The following TAFA4 variants were observed in gnomAD, a reference collection of about 807,000 sequenced individuals.
TAFA4 encodes chemokine-like protein TAFA-4.
Under a neutral mutation model 21.1 loss-of-function variants are expected in TAFA4, and 20 were observed. The ratio of observed to expected loss-of-function variants is 0.95; its 90% CI spans 0.67 to 1.38. The LOEUF is 1.38. Ranked by LOEUF, TAFA4 falls within the 40% of genes most tolerant of loss-of-function variation. The pLI, the probability that TAFA4 is intolerant of heterozygous loss-of-function variation, is 0.00. For missense variants in TAFA4, 211 were observed against 180.9 expected, an observed-to-expected ratio of 1.17 and a Z score of -0.95; for synonymous variants, 71 against 67.4, an observed-to-expected ratio of 1.05 and a Z score of -0.26.
At chr3:68,889,272 A>G (rs1246936740) in intron 1 of TAFA4, among the ~76,000 whole-genome samples, 2 of 152,196 alleles carry the variant, frequency 1.3e-5, no homozygotes, top group Non-Finnish European at 2.9e-5. Flanking sequence ...ATTTACTACA[A>G]AAGAGCAGAA....
At chr3:68,862,657 G>A (rs1420126875) in intron 3 of TAFA4, among the ~76,000 whole-genome samples, 1 of 152,016 alleles carries the variant, frequency 6.6e-6, no homozygotes, top group African/African-American at 2.4e-5. Context: ...GCTATCAACA[G>A]CATGATTGAG....
intron 3 of TAFA4, among the ~76,000 whole-genome samples, chr3:68,796,911 G>C (rs1356614809): frequency 6.6e-6 from 1 of 152,154 alleles, no homozygotes. Context: ...CAAGGGAAAT[G>C]CAAGGCAATA....
chr3:68,901,793 A>G (rs1323577851), intron 1 of TAFA4, among the ~76,000 whole-genome samples: 2 of 152,218 alleles, frequency 1.3e-5, no homozygotes, highest in Admixed American at 1.3e-4. Flanking sequence ...ACACAGTGGA[A>G]CACACTGGAA....
At chr3:68,746,903 A>C (rs1395769459) in intron 4 of TAFA4, among the ~76,000 whole-genome samples, 1 of 152,238 alleles carries the variant, frequency 6.6e-6, no homozygotes, top group Non-Finnish European at 1.5e-5. Flanking sequence ...TTAATTCTTT[A>C]TCGTGGCGGT....
intron 4 of TAFA4, among the ~76,000 whole-genome samples, chr3:68,750,005 A>G: frequency 6.6e-6 from 1 of 152,246 alleles, no homozygotes; most frequent in East Asian, 1.9e-4. Context: ...ATTTTAGTAG[A>G]CAGCACTGCA....
chr3:68,786,025 G>A (rs1703252899), intron 3 of TAFA4, among the ~76,000 whole-genome samples: 2 of 152,126 alleles, frequency 1.3e-5, no homozygotes, highest in African/African-American at 4.8e-5. Flanking sequence ...CCATCAATAG[G>A]GGACTGGTTA....
chr3:68,757,624 T>C (rs1156543577), intron 3 of TAFA4, among the ~76,000 whole-genome samples: 1 of 152,208 alleles, frequency 6.6e-6, no homozygotes, highest in East Asian at 1.9e-4. Context: ...TATATAACCA[T>C]CCACAAGTAC....
chr3:68,775,904 A>T (rs991143054), intron 3 of TAFA4, among the ~76,000 whole-genome samples: 1 of 152,178 alleles, frequency 6.6e-6, no homozygotes, highest in Non-Finnish European at 1.5e-5. Flanking sequence ...ATAAAAAATG[A>T]TGAGATTCAC....
intron 3 of TAFA4, among the ~76,000 whole-genome samples, chr3:68,781,598 C>T (rs1202730164): frequency 1.3e-5 from 2 of 152,022 alleles, no homozygotes; most frequent in Non-Finnish European, 2.9e-5. Context: ...ATCTCTATAT[C>T]AAATAAATTA....
At chr3:68,748,646 A>C (rs1702505594) in intron 4 of TAFA4, among the ~76,000 whole-genome samples, 1 of 152,096 alleles carries the variant, frequency 6.6e-6, no homozygotes, top group Non-Finnish European at 1.5e-5. Flanking sequence ...CGGGAGACTG[A>C]GACAGGAGAA....
intron 4 of TAFA4, among the ~76,000 whole-genome samples, chr3:68,751,650 A>G (rs1702558032): frequency 6.6e-6 from 1 of 152,192 alleles, no homozygotes; most frequent in South Asian, 2.1e-4. Context: ...TTGGAAATTG[A>G]AAGGTTTTCT....
chr3:68,865,180 A>T lies in TAFA4; in HGVS notation c.130+15550T>A, dbSNP rs142025285. ...ATGTGCATTGACAATGGCAGAAGCA[A>T]TCTGGCTTCATTCTACTCCACAAGA... On this transcript the variant is annotated intron_variant, in intron 3 of 5. Transcript: ENST00000295569. 2.6e-3 allele frequency among the ~76,000 whole-genome samples: 393 copies of T among 152,322 alleles called. 1 individual carries two copies. The highest frequency in any genetic ancestry group is 8.8e-3 in the African/African-American group (364 of 41,574).
chr3:68,833,221 C>A (rs1417615883), intron 3 of TAFA4, among the ~76,000 whole-genome samples: 1 of 152,112 alleles, frequency 6.6e-6, no homozygotes, highest in Non-Finnish European at 1.5e-5. Context: ...ACTATCCAAC[C>A]AGTCCCACTG....
At chr3:68,792,579 A>C (rs1479346468) in intron 3 of TAFA4, among the ~76,000 whole-genome samples, 2 of 152,172 alleles carry the variant, frequency 1.3e-5, no homozygotes, top group Non-Finnish European at 2.9e-5. Flanking sequence ...AATATGACAC[A>C]CACATACTCC....
chr3:68,847,645 G>A (rs1704839388), intron 3 of TAFA4, among the ~76,000 whole-genome samples: 1 of 152,212 alleles, frequency 6.6e-6, no homozygotes, highest in Admixed American at 6.5e-5. Context: ...GGCACCCGAG[G>A]GAATCTCCTG....
At chr3:68,886,273 T>C (rs1488707153) in intron 1 of TAFA4, among the ~76,000 whole-genome samples, 1 of 152,172 alleles carries the variant, frequency 6.6e-6, no homozygotes, top group Non-Finnish European at 1.5e-5. Flanking sequence ...ACTCACCACT[T>C]TGGGGCTGCA....
intron 3 of TAFA4, among the ~76,000 whole-genome samples, chr3:68,813,734 G>A (rs552899859): frequency 6.6e-6 from 1 of 151,992 alleles, no homozygotes; most frequent in African/African-American, 2.4e-5. Context: ...TTCTACCAGA[G>A]GTACAAGGAG....
At chr3:68,738,246 G>C (rs1052599085) in intron 5 of TAFA4, among the ~76,000 whole-genome samples, 3 of 152,164 alleles carry the variant, frequency 2.0e-5, no homozygotes, top group African/African-American at 2.4e-5. Context: ...CTGACAAAAG[G>C]CCAGGATGTT....
chr3:68,737,357 G>A (rs1450573147), intron 5 of TAFA4, among the ~76,000 whole-genome samples: 1 of 152,118 alleles, frequency 6.6e-6, no homozygotes, highest in Non-Finnish European at 1.5e-5. Flanking sequence ...TATTGGGAAT[G>A]GCTTAGAATG....
Sources: gnomAD v4.1 joint callset for allele counts (sites outside exome capture counted in the v4.1 genomes callset) on GRCh38, gnomAD v4.1.1 for gene constraint, MANE v1.5 for transcripts, NCBI Gene and HGNC (gene_info 2026-07-23, HGNC 2026-07-21) for gene names.